The following TRAK1 variants were observed in gnomAD, a reference collection of about 807,000 sequenced individuals.
TRAK1 encodes the protein trafficking kinesin-binding protein 1.
Under a neutral mutation model 92.1 loss-of-function variants are expected in TRAK1, and 33 were observed. That is an observed-to-expected ratio of 0.36 (90% CI 0.27 to 0.48). The LOEUF (loss-of-function observed/expected upper bound fraction) is 0.48, where lower values mean the gene tolerates loss of function less well. Among genes scored for constraint, TRAK1 ranks in the 20% least tolerant of loss-of-function variants. TRAK1 has a pLI of 0.99. For missense variants in TRAK1, 1,123 were observed against 1,257.9 expected, an observed-to-expected ratio of 0.89 and a Z score of 1.62; for synonymous variants, 521 against 517.3, an observed-to-expected ratio of 1.01 and a Z score of -0.10.
intron 2 of TRAK1, among the ~76,000 whole-genome samples, chr3:42,169,673 A>C (rs997482122): frequency 1.2e-4 from 1 of 8,548 alleles, no homozygotes; most frequent in African/African-American, 3.4e-4. Context: ...CTCCATCTCA[A>C]AAAAAAAAAA....
intron 1 of TRAK1, among the ~76,000 whole-genome samples, chr3:42,044,146 C>G (rs1434040275): frequency 6.6e-6 from 1 of 152,072 alleles, no homozygotes; most frequent in Non-Finnish European, 1.5e-5. Flanking sequence ...CTTTTCATCC[C>G]CATCTGCTTT....
chr3:42,168,125 TCTGA>T (rs1415319803), intron 2 of TRAK1, among the ~76,000 whole-genome samples: 4 of 152,232 alleles, frequency 2.6e-5, no homozygotes, highest in Admixed American at 2.6e-4. Context: ...ATTTCTGTGA[TCTGA>T]CTAAATTTTA....
chr3:42,050,161 G>T (rs1702922080), intron 1 of TRAK1, among the ~76,000 whole-genome samples: 2 of 149,956 alleles, frequency 1.3e-5, no homozygotes, highest in Non-Finnish European at 3.0e-5. Flanking sequence ...TTTGTCAGTC[G>T]AGTTGGGGAA....
chr3:42,126,825 G>T (rs910706145), intron 2 of TRAK1, among the ~76,000 whole-genome samples: 3 of 152,178 alleles, frequency 2.0e-5, no homozygotes, highest in African/African-American at 7.2e-5. Flanking sequence ...CCTTTAGGGT[G>T]TATCTAGGGA....
chr3:42,026,880 A>G (rs1345579531), intron 1 of TRAK1, among the ~76,000 whole-genome samples: 1 of 151,998 alleles, frequency 6.6e-6, no homozygotes, highest in Non-Finnish European at 1.5e-5. Flanking sequence ...CTCCCCTCAT[A>G]TTTATAGTAA....
intron 1 of TRAK1, among the ~76,000 whole-genome samples, chr3:42,116,996 A>G (rs770294774): frequency 7.9e-5 from 12 of 152,136 alleles, no homozygotes; most frequent in Non-Finnish European, 1.8e-4. Flanking sequence ...TCTGGCCCTC[A>G]GTATTCAACA....
chr3:42,123,486 G>A (rs997446192), intron 1 of TRAK1, among the ~76,000 whole-genome samples: 20 of 152,224 alleles, frequency 1.3e-4, no homozygotes, highest in Non-Finnish European at 1.5e-4. Flanking sequence ...GTAGCCTCCC[G>A]TGTGGAGCAC....
chr3:42,045,282 C>G (rs1483837281), intron 1 of TRAK1, among the ~76,000 whole-genome samples: 1 of 152,142 alleles, frequency 6.6e-6, no homozygotes, highest in Non-Finnish European at 1.5e-5. Flanking sequence ...CGCCTATAAT[C>G]CCAGCACTTT....
At chr3:42,134,678 C>A (rs904732645) in intron 2 of TRAK1, among the ~76,000 whole-genome samples, 3 of 148,338 alleles carry the variant, frequency 2.0e-5, no homozygotes, top group African/African-American at 7.5e-5. Flanking sequence ...GCTCTGCCTC[C>A]TGGGTTCACG....
Position 42,072,263 on chromosome 3 carries a change from C to T in TRAK1, c.-518-14841C>T, listed in dbSNP as rs375728675. Among the ~76,000 whole-genome samples the T allele has an allele frequency of 3.9e-5, 6 of 152,164 alleles. No individual in the cohort carries two copies. The East Asian group carries it at 5.8e-4, about 15-fold the overall frequency. ...TGGGAGTGCTGTCTCTCTCGGGAGTCGCCAGCCAAGTTTTGAATGTCTGAC... is the reference window on the plus strand; with the variant it reads ...TGGGAGTGCTGTCTCTCTCGGGAGTTGCCAGCCAAGTTTTGAATGTCTGAC... On this transcript the variant is annotated intron_variant, in intron 1 of 16. Transcript: ENST00000487159.
chr3:42,112,435 AAAG>A (rs1708564518), intron 1 of TRAK1, among the ~76,000 whole-genome samples: 2 of 149,268 alleles, frequency 1.3e-5, no homozygotes, highest in African/African-American at 4.9e-5. Flanking sequence ...CTCAAAAAAA[AAAG>A]GAAACAATTA....
chr3:42,061,855 G>A (rs183395805), intron 1 of TRAK1, among the ~76,000 whole-genome samples: 1 of 152,300 alleles, frequency 6.6e-6, no homozygotes, highest in Non-Finnish European at 1.5e-5. Flanking sequence ...CCTTGGAAAT[G>A]GTCCAGGTTA....
chr3:42,211,587 G>A, intron 14 of TRAK1: 1 of 985,414 alleles, frequency 1.0e-6, no homozygotes, highest in African/African-American at 1.7e-5. Flanking sequence ...TGATTGGGAT[G>A]CTCCCCTACA....
chr3:42,220,360 T>C, intron 15 of TRAK1: 1 of 494,522 alleles, frequency 2.0e-6, no homozygotes, highest in African/African-American at 2.1e-5. Flanking sequence ...AAAGAGAAAA[T>C]GCTCTCCCCT....
chr3:42,040,454 G>A (rs1161834196), intron 1 of TRAK1, among the ~76,000 whole-genome samples: 1 of 152,088 alleles, frequency 6.6e-6, no homozygotes, highest in Non-Finnish European at 1.5e-5. Context: ...TTTTTGTGAG[G>A]GAGGGGTCCA....
Position 42,210,781 on chromosome 3 carries a change from C to T in TRAK1, c.1963+796C>T, listed in dbSNP as rs535201119. 5.8e-5 allele frequency: 57 copies of T among 985,358 alleles called. No homozygotes were observed. The Middle Eastern group carries it at 2.1e-3, about 36-fold the overall frequency. 61.0% of individuals were successfully genotyped at this position (985,358 alleles called of 1,614,324 possible). ...CTTAACCAAATAAACCTTCGGAGAACGTCACTAAGCTTTTCCAGAGAGAAG... is the reference window on the plus strand; with the variant it reads ...CTTAACCAAATAAACCTTCGGAGAATGTCACTAAGCTTTTCCAGAGAGAAG... On this transcript the variant is annotated intron_variant, in intron 14 of 15. Coordinates refer to ENST00000327628, the MANE Select transcript of TRAK1 (RefSeq NM_001042646.3).
chr3:42,151,667 A>T (rs1326559007), intron 2 of TRAK1, among the ~76,000 whole-genome samples: 1 of 152,204 alleles, frequency 6.6e-6, no homozygotes, highest in African/African-American at 2.4e-5. Flanking sequence ...CAAAAAGGAG[A>T]TTTCAATTAT....
intron 2 of TRAK1, among the ~76,000 whole-genome samples, chr3:42,142,096 C>T (rs1698738608): frequency 6.6e-6 from 1 of 152,138 alleles, no homozygotes; most frequent in Non-Finnish European, 1.5e-5. Flanking sequence ...TGCGCCACTG[C>T]ACTCCAGCCT....
Position 42,191,656 on chromosome 3 carries a change from T to C in TRAK1, c.769+20T>C. On this transcript the variant is annotated intron_variant, in intron 7 of 15. Coordinates refer to ENST00000327628, the MANE Select transcript of TRAK1 (RefSeq NM_001042646.3). ...AGCTGAGTATGTCCCCGCACTGCTGTCTTCTTACTTCCTTGCATCTGCTGT... is the reference window on the plus strand; with the variant it reads ...AGCTGAGTATGTCCCCGCACTGCTGCCTTCTTACTTCCTTGCATCTGCTGT... 6.3e-7 allele frequency: 1 copy of C among 1,580,634 alleles called. No individual in the cohort carries two copies. Among genetic ancestry groups the C allele is most frequent in the Non-Finnish European group, 8.6e-7 (1 of 1,162,346 alleles).
Sources: allele counts gnomAD v4.1 joint callset (sites outside exome capture counted in the v4.1 genomes callset), GRCh38; gene constraint gnomAD v4.1.1; transcripts MANE v1.5; gene names NCBI Gene and HGNC (gene_info 2026-07-23, HGNC 2026-07-21).